RIN2: variants seen among roughly 807,000 people sequenced by gnomAD.
RIN2 encodes the protein Ras and Rab interactor 2, also known as RAB5 interacting protein 2.
A neutral mutation model predicts 78.0 loss-of-function variants in RIN2; 36 were observed. The ratio of observed to expected loss-of-function variants is 0.46; its 90% CI spans 0.35 to 0.61. RIN2 has a LOEUF of 0.61. RIN2 is among the 20% of genes least tolerant of loss of function. The pLI, the probability that RIN2 is intolerant of heterozygous loss-of-function variation, is 0.00. For synonymous variants in RIN2, 466 were observed against 466.8 expected, an observed-to-expected ratio of 1.00 and a Z score of 0.02; for missense variants, 1,087 against 1,159.7, an observed-to-expected ratio of 0.94 and a Z score of 0.91.
intron 4 of RIN2, among the ~76,000 whole-genome samples, chr20:19,955,657 T>G (rs994218461): frequency 6.6e-6 from 1 of 152,220 alleles, no homozygotes; most frequent in African/African-American, 2.4e-5. Context: ...CATCCACTCA[T>G]CAGCTGACAG....
Position 19,936,938 on chromosome 20 carries a change from G to A in RIN2, c.158+1739G>A, listed in dbSNP as rs79285228. ...TTTATTTAACAATATAGATCATGTT[G>A]GCCATGTGGCAACACTGTTCATATT... On this transcript the variant is annotated intron_variant, in intron 4 of 12. Coordinates refer to ENST00000255006, the MANE Select transcript of RIN2 (RefSeq NM_018993.4). 1.1e-4 allele frequency among the ~76,000 whole-genome samples: 16 copies of A among 152,252 alleles called. No individual in the cohort carries two copies. The East Asian group carries it at 3.1e-3, about 29-fold the overall frequency.
rs566116307 is a variant in RIN2, at chr20:19,930,352, G to A, written c.58-4747G>A. Among the ~76,000 whole-genome samples the A allele has an allele frequency of 2.3e-3, 347 of 152,336 alleles. 2 individuals carry two copies. Among genetic ancestry groups the A allele is most frequent in the Non-Finnish European group, 2.8e-3 (193 of 68,032 alleles). On this transcript the variant is annotated intron_variant, in intron 3 of 12. Coordinates refer to ENST00000255006, the MANE Select transcript of RIN2 (RefSeq NM_018993.4). Reference sequence around the variant, plus strand: ...CACAGACACCGTCAGCTTCTTGTGTGTGGCCAGATGTAGAGAAGGAATTGA... The same window carrying A: ...CACAGACACCGTCAGCTTCTTGTGTATGGCCAGATGTAGAGAAGGAATTGA...
At chr20:19,972,224 T>C (rs1024281830) in intron 8 of RIN2, among the ~76,000 whole-genome samples, 2 of 152,136 alleles carry the variant, frequency 1.3e-5, no homozygotes, top group East Asian at 1.9e-4. Context: ...GGAGAGAGAT[T>C]AAAATACTTG....
At chr20:19,953,592 C>G (rs2041415801) in intron 4 of RIN2, among the ~76,000 whole-genome samples, 1 of 152,072 alleles carries the variant, frequency 6.6e-6, no homozygotes, top group South Asian at 2.1e-4. Context: ...AGGCACCCAC[C>G]ACCACTCCTA....
At chr20:19,992,095 A>C in intron 10 of RIN2, 73 bp from the exon 11 acceptor site, 2 of 1,532,298 alleles carry the variant, frequency 1.3e-6, no homozygotes, top group Non-Finnish European at 1.8e-6. Flanking sequence ...CTGTCTAATA[A>C]AAGCAGCAAG....
intron 1 of RIN2, among the ~76,000 whole-genome samples, chr20:19,783,843 T>C (rs572091581): frequency 1.4e-4 from 21 of 152,264 alleles, no homozygotes; most frequent in Admixed American, 7.8e-4. Context: ...TACTGGGGTC[T>C]GGGAACTGAT....
intron 3 of RIN2, among the ~76,000 whole-genome samples, chr20:19,907,221 G>A (rs368227005): frequency 5.9e-5 from 9 of 152,308 alleles, no homozygotes; most frequent in African/African-American, 1.9e-4. Context: ...AAATAATGGC[G>A]TTAATCCATT....
chr20:19,972,542 A>C (rs1229121074), intron 8 of RIN2, among the ~76,000 whole-genome samples: 1 of 152,236 alleles, frequency 6.6e-6, no homozygotes, highest in Non-Finnish European at 1.5e-5. Flanking sequence ...AATATTTTAA[A>C]ATTCTGTGCC....
intron 1 of RIN2, among the ~76,000 whole-genome samples, chr20:19,760,925 C>A (rs1028272818): frequency 2.0e-4 from 30 of 152,154 alleles, no homozygotes; most frequent in African/African-American, 7.2e-4. Context: ...ATACAGTGGA[C>A]CTCACTTGCC....
intron 2 of RIN2, among the ~76,000 whole-genome samples, chr20:19,848,236 A>G (rs2036846522): frequency 6.6e-6 from 1 of 152,138 alleles, no homozygotes. Context: ...AAGTTGACTT[A>G]AAAAGAGCAG....
intron 2 of RIN2, among the ~76,000 whole-genome samples, chr20:19,811,857 A>G (rs926811130): frequency 6.6e-6 from 1 of 151,964 alleles, no homozygotes; most frequent in Non-Finnish European, 1.5e-5. Flanking sequence ...TAAAAAAAAA[A>G]AGCTTTGTTT....
chr20:19,983,630 A>G (rs6035499), intron 9 of RIN2, among the ~76,000 whole-genome samples: 58,924 of 152,078 alleles, frequency 0.39, 13,789 homozygotes, highest in African/African-American at 0.65. Flanking sequence ...GCTAGAACTA[A>G]AATAAGCTAA....
At chr20:19,922,654 A>G (rs1476868027) in intron 3 of RIN2, among the ~76,000 whole-genome samples, 2 of 152,198 alleles carry the variant, frequency 1.3e-5, no homozygotes, top group East Asian at 3.9e-4. Flanking sequence ...AATTTCAAAT[A>G]TTCTGTCCAC....
chr20:19,774,008 G>A (rs1366621463), intron 1 of RIN2, among the ~76,000 whole-genome samples: 1 of 151,816 alleles, frequency 6.6e-6, no homozygotes, highest in African/African-American at 2.4e-5. Flanking sequence ...CAGTTCCCAT[G>A]ACCTTGGAGC....
chr20:19,793,684 A>G (rs769814364), intron 1 of RIN2, among the ~76,000 whole-genome samples: 13 of 152,224 alleles, frequency 8.5e-5, no homozygotes, highest in Non-Finnish European at 1.9e-4. Context: ...AATCTTGCAC[A>G]AAGAAACTTA....
chr20:19,877,296 T>G (rs1197703758), intron 2 of RIN2, among the ~76,000 whole-genome samples: 1 of 152,192 alleles, frequency 6.6e-6, no homozygotes, highest in African/African-American at 2.4e-5. Context: ...TTCATAACAT[T>G]ACCCCAGCCC....
intron 1 of RIN2, among the ~76,000 whole-genome samples, chr20:19,767,922 C>CAAAAAAAAAAAAAA (rs61365306): frequency 8.0e-6 from 1 of 124,624 alleles, no homozygotes; most frequent in South Asian, 2.8e-4. Flanking sequence ...AAAACTGTCT[C>CAAAAAAAAAAAAAA]AAAAAAAAAA....
At chr20:19,912,654 T>A (rs539558297) in intron 3 of RIN2, among the ~76,000 whole-genome samples, 1 of 151,886 alleles carries the variant, frequency 6.6e-6, no homozygotes, top group African/African-American at 2.4e-5. Context: ...AATTTTTGTA[T>A]TTTTAGTAGA....
chr20:19,959,705 A>AG (rs972468171), intron 5 of RIN2, among the ~76,000 whole-genome samples: 3 of 152,358 alleles, frequency 2.0e-5, no homozygotes, highest in East Asian at 1.9e-4. Context: ...GTTTAAATGC[A>AG]GAGGAAAGAG....
Sources: allele counts gnomAD v4.1 joint callset (sites outside exome capture counted in the v4.1 genomes callset), GRCh38; gene constraint gnomAD v4.1.1; transcripts MANE v1.5; gene names NCBI Gene and HGNC (gene_info 2026-07-23, HGNC 2026-07-21).